ARID1A: variants seen among roughly 807,000 people sequenced by gnomAD.
ARID1A encodes AT-rich interaction domain 1A, also known as AT-rich interactive domain-containing protein 1A.
ARID1A carries 20 observed loss-of-function variants against 212.6 expected under a neutral mutation model. That is an observed-to-expected ratio of 0.09 (90% CI 0.07 to 0.14). ARID1A has a LOEUF of 0.14. ARID1A is among the 10% of genes least tolerant of loss of function. The pLI is 1.00. For synonymous variants in ARID1A, 1,376 were observed against 1,222.1 expected, an observed-to-expected ratio of 1.13 and a Z score of -2.63; for missense variants, 2,587 against 3,059.0, an observed-to-expected ratio of 0.85 and a Z score of 3.64.
chr1:26,725,475 A>G (rs988815013), intron 1 of ARID1A, among the ~76,000 whole-genome samples: 9 of 152,206 alleles, frequency 5.9e-5, no homozygotes, highest in African/African-American at 2.2e-4. Flanking sequence ...TAACTTTTAC[A>G]TGAGATCAGA....
rs2124790394 is a variant in ARID1A, at chr1:26,731,572, G to A, written c.1771G>A (p.Ala591Thr). 1.2e-6 allele frequency: 2 copies of A among 1,614,064 alleles called. No individual in the cohort carries two copies. Among genetic ancestry groups the A allele is most frequent in the Non-Finnish European group, 1.7e-6 (2 of 1,179,970 alleles). Reference protein sequence around the residue: ...QPQSQQSQQTAYSQQRFPPPQ... With the variant: ...QPQSQQSQQTTYSQQRFPPPQ... ...CCAGTCTCAGCAGTCCCAGCAAACT[G>A]CCTATTCCCAGCAGCGCTTCCCTCC... The change falls in exon 3 of 20, where the codon GCC (alanine) becomes ACC (threonine). Residue 591 changes from alanine to threonine, a missense_variant. Coordinates refer to ENST00000324856, the MANE Select transcript of ARID1A (RefSeq NM_006015.6).
chr1:26,758,892 A>G (rs1000907733), intron 4 of ARID1A, among the ~76,000 whole-genome samples: 1 of 152,320 alleles, frequency 6.6e-6, no homozygotes, highest in East Asian at 1.9e-4. Flanking sequence ...AGCTGGACAC[A>G]GGCACAAATG....
chr1:26,699,484 A>C (rs1320399311), intron 1 of ARID1A, among the ~76,000 whole-genome samples: 1 of 152,140 alleles, frequency 6.6e-6, no homozygotes, highest in Non-Finnish European at 1.5e-5. Context: ...GAGCTACTTT[A>C]CTACTCTTTT....
intron 1 of ARID1A, among the ~76,000 whole-genome samples, chr1:26,727,480 A>C (rs1361530956): frequency 6.6e-6 from 1 of 152,186 alleles, no homozygotes; most frequent in Non-Finnish European, 1.5e-5. Flanking sequence ...ATCACAGAAA[A>C]TGTTATTGGC....
At chr1:26,710,522 C>CACACACACACACAG (rs1244931220) in intron 1 of ARID1A, among the ~76,000 whole-genome samples, 1 of 151,462 alleles carries the variant, frequency 6.6e-6, no homozygotes, top group East Asian at 1.9e-4. Flanking sequence ...CACACACACA[C>CACACACACACACAG]ACACACCACT....
chr1:26,759,467 C>G (rs1234491998), intron 4 of ARID1A, among the ~76,000 whole-genome samples: 1 of 152,136 alleles, frequency 6.6e-6, no homozygotes, highest in Admixed American at 6.5e-5. Flanking sequence ...CTCGGCCTCC[C>G]AAAAGGCTGG....
intron 1 of ARID1A, among the ~76,000 whole-genome samples, chr1:26,727,479 A>G (rs2080629476): frequency 6.6e-6 from 1 of 152,204 alleles, no homozygotes; most frequent in African/African-American, 2.4e-5. Flanking sequence ...CATCACAGAA[A>G]ATGTTATTGG....
chr1:26,712,398 A>C (rs1353276908), intron 1 of ARID1A, among the ~76,000 whole-genome samples: 1 of 152,054 alleles, frequency 6.6e-6, no homozygotes, highest in African/African-American at 2.4e-5. Context: ...TAAACCCTGT[A>C]AGTAGGCCGA....
chr1:26,773,022 G>A (rs566833660), intron 14 of ARID1A, 35 bp downstream of exon 14: 7 of 1,587,698 alleles, frequency 4.4e-6, no homozygotes, highest in East Asian at 2.3e-5. Context: ...ACTTGTGCTC[G>A]TAAAGACAGG....
At chr1:26,707,480 T>G (rs1188099874) in intron 1 of ARID1A, among the ~76,000 whole-genome samples, 1 of 152,066 alleles carries the variant, frequency 6.6e-6, no homozygotes, top group Non-Finnish European at 1.5e-5. Flanking sequence ...GTGCTGGGAT[T>G]ACAGGCATAA....
In ARID1A at chr1:26,773,990, C is replaced by G. The variant is rs566561722; in HGVS notation, c.4101+92C>G. The G allele has an allele frequency of 8.8e-5, 130 of 1,479,922 alleles. No homozygotes were observed. In the South Asian group the frequency reaches 1.1e-3, roughly 12 times the overall value. The allele number at this position is 1,479,922 out of a possible 1,614,324, so 91.7% of individuals were successfully genotyped here. ...CTAACGTGTTGAAGTCTAAGAAGCT[C>G]ACTTTAGATATTTTGGCATTCTTCT... On this transcript the variant is annotated intron_variant, in intron 17 of 19. Transcript: ENST00000324856.
Position 26,696,163 on chromosome 1 carries a change from C to T in ARID1A, c.-241C>T, listed in dbSNP as rs1172186052. On this transcript the variant is annotated 5_prime_UTR_variant, in exon 1 of 20. Transcript: ENST00000324856. ...CCCGAGCCTACAGAGCCGGGAGCAG[C>T]TGAGCCGCCGGCGCCTCGGCCGCCG... The T allele has an allele frequency of 3.8e-6, 2 of 531,110 alleles. No homozygotes were observed. The highest frequency in any genetic ancestry group is 5.3e-6 in the Non-Finnish European group (2 of 378,794). The allele number at this position is 531,110 out of a possible 1,614,324, so 32.9% of individuals were successfully genotyped here. A position where few individuals can be genotyped will look rare whatever the true frequency, so the allele number is the denominator to read the frequency against.
chr1:26,696,480 A>C lies in ARID1A; in HGVS notation c.77A>C (p.Lys26Thr). The C allele has an allele frequency of 1.6e-6, 2 of 1,259,984 alleles. No homozygotes were observed. The highest frequency in any genetic ancestry group is 9.9e-7 in the Non-Finnish European group (1 of 1,006,210). 78.1% of individuals were successfully genotyped at this position (1,259,984 alleles called of 1,614,324 possible). A position where few individuals can be genotyped will look rare whatever the true frequency, so the allele number is the denominator to read the frequency against. The change falls in exon 1 of 20, where the codon AAA becomes ACA. Residue 26 changes from lysine (K) to threonine (T), a missense_variant. By Grantham distance (78) the Lys-to-Thr change is moderately conservative (BLOSUM62 -1). Around this residue, in one of 11 missense-constraint regions of ARID1A, gnomAD observed 735 missense variants for 590.6 expected, o/e 1.24. Coordinates refer to ENST00000324856, the MANE Select transcript of ARID1A (RefSeq NM_006015.6). ...CCGCCGCCGCCCTCGGAGCTGAAGA[A>C]AGCCGAGCAGCAGCAGCGGGAGGAG... ...PPPPPPSELK[K>T]AEQQQREEAG... is the part of the protein sequence containing the mutation.
intron 1 of ARID1A, among the ~76,000 whole-genome samples, chr1:26,708,890 CTT>C (rs1189979451): frequency 6.6e-6 from 1 of 150,884 alleles, no homozygotes; most frequent in Non-Finnish European, 1.5e-5. Context: ...AGAGATGGGG[CTT>C]CACCATGTTA....
At chr1:26,743,234 T>G (rs1410053711) in intron 4 of ARID1A, among the ~76,000 whole-genome samples, 1 of 152,164 alleles carries the variant, frequency 6.6e-6, no homozygotes, top group Non-Finnish European at 1.5e-5. Flanking sequence ...TCCTCTTGAT[T>G]AGGATGTATA....
chr1:26,766,685 TC>T (rs2081042557), intron 10 of ARID1A, 119 bp downstream of exon 10: 1 of 1,070,562 alleles, frequency 9.3e-7, no homozygotes, highest in Non-Finnish European at 1.3e-6. Flanking sequence ...CTAGATAGTC[TC>T]TGAAAAAGCT....
intron 1 of ARID1A, among the ~76,000 whole-genome samples, chr1:26,713,225 T>A (rs1209703431): frequency 6.6e-6 from 1 of 152,198 alleles, no homozygotes; most frequent in Non-Finnish European, 1.5e-5. Context: ...TTTTTCATTT[T>A]CTCCTTTGAT....
chr1:26,717,995 A>T (rs1232741732), intron 1 of ARID1A, among the ~76,000 whole-genome samples: 1 of 152,020 alleles, frequency 6.6e-6, no homozygotes, highest in African/African-American at 2.4e-5. Flanking sequence ...GTTGTTTCTG[A>T]GATGAAGTTT....
chr1:26,727,493 G>A (rs1397142254), intron 1 of ARID1A, among the ~76,000 whole-genome samples: 1 of 152,186 alleles, frequency 6.6e-6, no homozygotes, highest in Non-Finnish European at 1.5e-5. Context: ...TTATTGGCCA[G>A]TGCTTCTCTA....
Sources: gnomAD v4.1 joint callset for allele counts (sites outside exome capture counted in the v4.1 genomes callset) on GRCh38, gnomAD v4.1.1 for gene constraint, gnomAD v4.1.1 regional missense constraint, MANE v1.5 for transcripts, NCBI Gene and HGNC (gene_info 2026-07-23, HGNC 2026-07-21) for gene names.